The following OCLN variants were observed in gnomAD, a reference collection of about 807,000 sequenced individuals.
The protein encoded by OCLN is occludin, also known as phosphatase 1, regulatory subunit 115.
OCLN carries 21 observed loss-of-function variants against 47.9 expected under a neutral mutation model. The ratio of observed to expected loss-of-function variants is 0.44; its 90% CI spans 0.31 to 0.63. The LOEUF is 0.63. Ranked by LOEUF, OCLN falls within the 30% of genes least tolerant of loss-of-function variation. The probability of loss-of-function intolerance (pLI) is 0.08; values close to 1 mark genes in which losing one functional copy is unlikely to be tolerated. For missense variants in OCLN, 360 were observed against 571.0 expected, an observed-to-expected ratio of 0.63 and a Z score of 3.77; for synonymous variants, 117 against 198.4, an observed-to-expected ratio of 0.59 and a Z score of 3.45.
At chr5:69,507,531 G>A (rs1017920115) in intron 2 of OCLN, among the ~76,000 whole-genome samples, 3 of 151,984 alleles carry the variant, frequency 2.0e-5, no homozygotes, top group African/African-American at 4.8e-5. Flanking sequence ...TAGTTCATCA[G>A]TTTTGGCTTC....
chr5:69,550,518 G>A (rs1189882982), intron 7 of OCLN, among the ~76,000 whole-genome samples: 1 of 150,358 alleles, frequency 6.7e-6, no homozygotes, highest in East Asian at 2.0e-4. Flanking sequence ...ACTAATTCCA[G>A]AATGTGAAAT....
At chr5:69,548,482 T>G (rs1403726103) in intron 7 of OCLN, among the ~76,000 whole-genome samples, 19 of 150,156 alleles carry the variant, frequency 1.3e-4, no homozygotes, top group Non-Finnish European at 2.4e-4. Flanking sequence ...CCCGGCTAAT[T>G]TTTTGTATTT....
chr5:69,535,083 C>G (rs1212405871), intron 5 of OCLN, among the ~76,000 whole-genome samples: 2 of 152,246 alleles, frequency 1.3e-5, no homozygotes, highest in Non-Finnish European at 2.9e-5. Context: ...TTTTCACTTA[C>G]TTGTTTAATT....
intron 4 of OCLN, among the ~76,000 whole-genome samples, chr5:69,526,205 C>T (rs181724632): frequency 1.4e-4 from 22 of 152,130 alleles, no homozygotes; most frequent in East Asian, 1.4e-3. Context: ...GGGCCTAGGT[C>T]GGTAATATTA....
At position 69,509,729 on chromosome 5, in the gene OCLN, T is replaced by C. The variant is rs1295603624; in HGVS notation, c.639T>C (p.Tyr213=). Residue 213 remains tyrosine (Y), a synonymous_variant, in exon 3 of 9, where the codon TAT becomes TAC. Transcript: ENST00000396442. ...SSGSLYGSQI[Y]ALCNQFYTPA... Reference sequence around the variant, plus strand: ...GATCTCTATATGGTTCACAAATATATGCCCTCTGCAACCAATTTTATACAC... The same window carrying C: ...GATCTCTATATGGTTCACAAATATACGCCCTCTGCAACCAATTTTATACAC... 4 of 1,614,146 alleles carry C rather than the reference T, an allele frequency of 2.5e-6. No homozygotes were observed. Among genetic ancestry groups the C allele is most frequent in the Non-Finnish European group, 3.4e-6 (4 of 1,179,956 alleles).
intron 2 of OCLN, among the ~76,000 whole-genome samples, chr5:69,508,378 T>G (rs1202563555): frequency 6.6e-6 from 1 of 151,870 alleles, no homozygotes; most frequent in African/African-American, 2.4e-5. Context: ...TCTTGCTCTG[T>G]CACTCAGGGT....
chr5:69,510,822 A>G (rs917863447), intron 3 of OCLN, among the ~76,000 whole-genome samples: 1 of 152,224 alleles, frequency 6.6e-6, no homozygotes, highest in East Asian at 1.9e-4. Flanking sequence ...TTGGGGAGCT[A>G]CCAGAGTTTT....
rs183810543 is a variant in OCLN, at chr5:69,527,695, G to T, written c.892-6999G>T. ...TGGCCTTAGGTCTTATTTATAATTT[G>T]GTGTTTTATTGCCACAAAGAGTCTA... is the stretch of plus-strand genomic sequence containing the variant. On this transcript the variant is annotated intron_variant, in intron 4 of 8. Transcript: ENST00000396442. Among the ~76,000 whole-genome samples the T allele has an allele frequency of 3.1e-3, 474 of 152,134 alleles. 4 individuals are homozygous for T. Among genetic ancestry groups the T allele is most frequent in the African/African-American group, 0.011 (450 of 41,492 alleles).
intron 3 of OCLN, among the ~76,000 whole-genome samples, chr5:69,511,585 A>T (rs1368436820): frequency 5.3e-5 from 8 of 151,992 alleles, no homozygotes; most frequent in Middle Eastern, 3.4e-3. Context: ...ATAATTTTTT[A>T]AAAAATTTTT....
In OCLN at chr5:69,515,578, GC is replaced by G. The variant is rs1768927979; in HGVS notation, c.891+1470del. The stretch of plus-strand genomic sequence containing the variant: ...CCTCCCGGACGGGGCGGCTGGCCGG[GC>G]GGGGGGCTGACCCCCCCACCTCCCT... On this transcript the variant is annotated intron_variant, in intron 4 of 8. Transcript: ENST00000396442. Among the ~76,000 whole-genome samples, 3 of 143,100 alleles carry G rather than the reference GC, an allele frequency of 2.1e-5. No homozygotes were observed. The Admixed American group carries it at 2.1e-4, about 10-fold the overall frequency. The allele number at this position is 143,100 out of a possible 152,430, so 93.9% of individuals were successfully genotyped here. A position where few individuals can be genotyped will look rare whatever the true frequency, so the allele number is the denominator to read the frequency against.
chr5:69,510,535 T>C (rs1490778270), intron 3 of OCLN, among the ~76,000 whole-genome samples: 1 of 151,912 alleles, frequency 6.6e-6, no homozygotes, highest in Non-Finnish European at 1.5e-5. Flanking sequence ...CAAAAAAAAT[T>C]AGCTGGGCAT....
At chr5:69,548,375 G>C (rs201722548) in intron 7 of OCLN, among the ~76,000 whole-genome samples, 1 of 148,708 alleles carries the variant, frequency 6.7e-6, no homozygotes, top group South Asian at 2.1e-4. Context: ...GTGCAGTGGC[G>C]TGATCTCAGC....
chr5:69,511,066 A>C (rs765806204), intron 3 of OCLN, among the ~76,000 whole-genome samples: 21 of 151,764 alleles, frequency 1.4e-4, no homozygotes, highest in Non-Finnish European at 2.2e-4. Flanking sequence ...ATGGCTGTTT[A>C]GACTTGTCCA....
At chr5:69,508,396 A>G (rs1296781052) in intron 2 of OCLN, among the ~76,000 whole-genome samples, 2 of 150,952 alleles carry the variant, frequency 1.3e-5, no homozygotes, top group Non-Finnish European at 2.9e-5. Context: ...GGTAGAGTGC[A>G]ATGGCACGAT....
At chr5:69,533,751 C>T (rs1463823403) in intron 4 of OCLN, among the ~76,000 whole-genome samples, 3 of 152,198 alleles carry the variant, frequency 2.0e-5, no homozygotes, top group African/African-American at 7.2e-5. Context: ...CTCTCTGGTT[C>T]AAGTGATTCT....
chr5:69,511,344 A>C (rs1768781379), intron 3 of OCLN, among the ~76,000 whole-genome samples: 1 of 151,832 alleles, frequency 6.6e-6, no homozygotes, highest in African/African-American at 2.4e-5. Context: ...CGGCCTCCAA[A>C]GTGCTGGGAT....
At chr5:69,511,597 G>C (rs1314456328) in intron 3 of OCLN, among the ~76,000 whole-genome samples, 1 of 151,932 alleles carries the variant, frequency 6.6e-6, no homozygotes, top group African/African-American at 2.4e-5. Context: ...AAAATTTTTT[G>C]TAGAGACAGG....
chr5:69,498,527 A>G (rs1298943840), intron 1 of OCLN, among the ~76,000 whole-genome samples: 1 of 152,132 alleles, frequency 6.6e-6, no homozygotes, highest in Non-Finnish European at 1.5e-5. Context: ...CATTTTAAAA[A>G]TGACTCATTT....
chr5:69,524,018 G>C (rs1424799941), intron 4 of OCLN, among the ~76,000 whole-genome samples: 1 of 152,020 alleles, frequency 6.6e-6, no homozygotes, highest in Non-Finnish European at 1.5e-5. Context: ...GCCTGGTGGC[G>C]CATGCCTGTA....
Sources: allele counts gnomAD v4.1 joint callset (sites outside exome capture counted in the v4.1 genomes callset), GRCh38; gene constraint gnomAD v4.1.1; transcripts MANE v1.5; gene names NCBI Gene and HGNC (gene_info 2026-07-23, HGNC 2026-07-21).